PCYOX1: variants seen among roughly 807,000 people sequenced by gnomAD.
The protein encoded by PCYOX1 is prenylcysteine oxidase 1.
A neutral mutation model predicts 46.4 loss-of-function variants in PCYOX1; 46 were observed. The ratio of observed to expected loss-of-function variants is 0.99; its 90% CI spans 0.78 to 1.27. The LOEUF is 1.27. PCYOX1 is among the 50% of genes most tolerant of loss of function. The pLI, the probability that PCYOX1 is intolerant of heterozygous loss-of-function variation, is 0.00. For synonymous variants in PCYOX1, 220 were observed against 231.8 expected (o/e 0.95, Z 0.46); for missense variants, 658 against 628.3 (o/e 1.05, Z -0.51).
intron 1 of PCYOX1, 125 bp from the exon 2 acceptor site, chr2:70,259,235 C>G: frequency 1.2e-6 from 1 of 816,482 alleles, no homozygotes; most frequent in Non-Finnish European, 2.0e-6. Context: ...GTCACTCTTC[C>G]CCCACCAAAT....
chr2:70,260,130 T>G (rs1426886995), intron 2 of PCYOX1, among the ~76,000 whole-genome samples: 2 of 152,186 alleles, frequency 1.3e-5, no homozygotes, highest in Non-Finnish European at 2.9e-5. Context: ...TGTCTGTTCT[T>G]AAAATTCTGG....
At chr2:70,259,209 G>C (rs1166299230) in intron 1 of PCYOX1, 151 bp from the exon 2 acceptor site, 2 of 672,270 alleles carry the variant, frequency 3.0e-6, no homozygotes, top group African/African-American at 3.6e-5. Flanking sequence ...CAGGGAGTTA[G>C]ACCTTCGCTG....
intron 3 of PCYOX1, among the ~76,000 whole-genome samples, chr2:70,266,978 G>A (rs1310801594): frequency 6.6e-6 from 1 of 152,150 alleles, no homozygotes; most frequent in East Asian, 1.9e-4. Flanking sequence ...GAGCTATTGG[G>A]TACACCTCCC....
chr2:70,258,143 A>G lies in PCYOX1; in HGVS notation c.-22A>G, dbSNP rs544878434. 4.5e-5 allele frequency: 71 copies of G among 1,567,678 alleles called. No individual in the cohort carries two copies. In the Admixed American group the frequency reaches 7.0e-4, roughly 15 times the overall value. ...GGAGGACTGCGGGGCTCTTGAGGCC[A>G]GCTGCAGAGCTTGTGGAGGCCATGG... is the stretch of plus-strand genomic sequence containing the variant. On this transcript the variant is annotated 5_prime_UTR_variant, in exon 1 of 6. Coordinates refer to ENST00000433351, the MANE Select transcript of PCYOX1 (RefSeq NM_016297.4).
intron 1 of PCYOX1, 83 bp downstream of exon 1, chr2:70,258,359 C>T (rs964327705): frequency 3.9e-5 from 33 of 847,012 alleles, no homozygotes; most frequent in African/African-American, 3.4e-4. Flanking sequence ...CCAGATCCCA[C>T]AGCCGCGACG....
Position 70,276,816 on chromosome 2 carries a change from C to G in PCYOX1, c.942C>G (p.Ala314=). The G allele has an allele frequency of 6.2e-7, 1 of 1,612,604 alleles. No homozygotes were observed. Among genetic ancestry groups the G allele is most frequent in the Non-Finnish European group, 8.5e-7 (1 of 1,178,698 alleles). The change falls in exon 6 of 6, where the codon GCC becomes GCG. Residue 314 remains alanine, a synonymous_variant. Transcript: ENST00000433351. ...ACTTCTATGACATCGTCTTGGTGGC[C>G]ACTCCGTTGAATCGAAAAATGTCGA... is the stretch of plus-strand genomic sequence containing the variant. The part of the protein sequence containing the change: ...RSDFYDIVLV[A]TPLNRKMSNI...
At chr2:70,271,234 A>ATTT (rs374086458) in intron 3 of PCYOX1, among the ~76,000 whole-genome samples, 2 of 127,858 alleles carry the variant, frequency 1.6e-5, no homozygotes, top group Non-Finnish European at 3.4e-5. Flanking sequence ...TGCCTGGCTA[A>ATTT]TTTTTTTTTT....
chr2:70,260,084 G>T (rs1176128683), intron 2 of PCYOX1, among the ~76,000 whole-genome samples: 2 of 152,158 alleles, frequency 1.3e-5, no homozygotes, highest in African/African-American at 4.8e-5. Context: ...CAAAGTGCTG[G>T]GATTACAGGG....
intron 5 of PCYOX1, among the ~76,000 whole-genome samples, chr2:70,276,219 G>A (rs1012680763): frequency 6.6e-6 from 1 of 150,886 alleles, no homozygotes; most frequent in African/African-American, 2.4e-5. Context: ...TGCCCAGGCC[G>A]GACTGTAGTG....
In PCYOX1 at chr2:70,274,953, C is replaced by A; in HGVS notation, c.495-6C>A. ...GTATTTAATGGATTTCTCTTCTTTT[C>A]CAAAGGATCTACCGCTACCAGTCTC... On this transcript the variant is annotated splice_region_variant and splice_polypyrimidine_tract_variant and intron_variant, in intron 3 of 5. Coordinates refer to ENST00000433351, the MANE Select transcript of PCYOX1 (RefSeq NM_016297.4). 3.8e-6 allele frequency: 6 copies of A among 1,561,646 alleles called. No individual in the cohort carries two copies. The highest frequency in any genetic ancestry group is 5.3e-6 in the Non-Finnish European group (6 of 1,132,282).
intron 3 of PCYOX1, among the ~76,000 whole-genome samples, chr2:70,269,423 C>T (rs983047342): frequency 6.6e-6 from 1 of 151,348 alleles, no homozygotes; most frequent in Admixed American, 6.6e-5. Flanking sequence ...GCAACCTCTG[C>T]CTCCCGGGTT....
Position 70,279,417 on chromosome 2 carries a change from A to G in PCYOX1, c.*2025A>G, listed in dbSNP as rs949730785. ...GTTATGTATATGCTAAATGTTGGTA[A>G]ATACTAATTAATTTCCATCATTTGT... On this transcript the variant is annotated 3_prime_UTR_variant, in exon 6 of 6. Coordinates refer to ENST00000433351, the MANE Select transcript of PCYOX1 (RefSeq NM_016297.4). The G allele has an allele frequency of 6.6e-6, 1 of 152,232 alleles. No homozygotes were observed. The highest frequency in any genetic ancestry group is 1.5e-5 in the Non-Finnish European group (1 of 68,040). The allele number at this position is 152,232 out of a possible 1,614,324, so 9.4% of individuals were successfully genotyped here.
intron 3 of PCYOX1, among the ~76,000 whole-genome samples, chr2:70,266,787 G>C (rs899233110): frequency 1.3e-5 from 2 of 152,104 alleles, no homozygotes; most frequent in Admixed American, 6.5e-5. Context: ...TGGGGGTAAG[G>C]TCATAGATAA....
rs997006490 is a variant in PCYOX1 at position 70,279,784 on chromosome 2, GA to G, written c.*2402del. ...GGCAACAGAGCGAGACTCTGTCTCAGAAAAAAAAAACAAAAACCAGTTTAGG... is the reference window on the plus strand; with the variant it reads ...GGCAACAGAGCGAGACTCTGTCTCAGAAAAAAAAACAAAAACCAGTTTAGG... On this transcript the variant is annotated 3_prime_UTR_variant, in exon 6 of 6. Coordinates refer to ENST00000433351, the MANE Select transcript of PCYOX1 (RefSeq NM_016297.4). 5.8e-5 allele frequency: 8 copies of G among 138,032 alleles called. No homozygotes were observed. The highest frequency in any genetic ancestry group is 1.5e-4 in the Admixed American group (2 of 13,692). The allele number at this position is 138,032 out of a possible 1,614,324, so 8.6% of individuals were successfully genotyped here.
At chr2:70,266,449 G>A (rs1345941164) in intron 3 of PCYOX1, among the ~76,000 whole-genome samples, 1 of 151,650 alleles carries the variant, frequency 6.6e-6, no homozygotes, top group Non-Finnish European at 1.5e-5. Context: ...TTACAGAACC[G>A]TAAGATTATA....
At position 70,280,507 on chromosome 2, in the gene PCYOX1, T is replaced by C. The variant is rs1696757393; in HGVS notation, c.*3115T>C. 6.6e-6 allele frequency: 1 copy of C among 152,228 alleles called. No homozygotes were observed. 9.4% of individuals were successfully genotyped at this position (152,228 alleles called of 1,614,324 possible). A position where few individuals can be genotyped will look rare whatever the true frequency, so the allele number is the denominator to read the frequency against. On this transcript the variant is annotated 3_prime_UTR_variant, in exon 6 of 6. Coordinates refer to ENST00000433351, the MANE Select transcript of PCYOX1 (RefSeq NM_016297.4). The stretch of plus-strand genomic sequence containing the variant: ...CATCGCTAGGCTCCACCCTGTTTAT[T>C]CAATAAGTTTGTTATGGGATATAAG...
intron 3 of PCYOX1, among the ~76,000 whole-genome samples, chr2:70,263,526 C>A (rs577961513): frequency 6.2e-4 from 95 of 152,192 alleles, no homozygotes; most frequent in African/African-American, 2.2e-3. Context: ...CAATACACAA[C>A]CAAGGAAATA....
intron 3 of PCYOX1, among the ~76,000 whole-genome samples, chr2:70,266,101 C>G (rs1018416766): frequency 1.3e-5 from 2 of 152,128 alleles, no homozygotes; most frequent in African/African-American, 4.8e-5. Flanking sequence ...ATGTCCATGT[C>G]TTAATTCCTG....
rs1696744598 is a variant in PCYOX1, at chr2:70,279,833, A to G, written c.*2441A>G. ...AGGCTGGGTATGGTGGCTCACCAGCACTTTGGGAGGCTGAGGCAGGTGGAT... is the reference window on the plus strand; with the variant it reads ...AGGCTGGGTATGGTGGCTCACCAGCGCTTTGGGAGGCTGAGGCAGGTGGAT... On this transcript the variant is annotated 3_prime_UTR_variant, in exon 6 of 6. Coordinates refer to ENST00000433351, the MANE Select transcript of PCYOX1 (RefSeq NM_016297.4). The G allele has an allele frequency of 2.0e-5, 3 of 151,592 alleles. No individual in the cohort carries two copies. In the South Asian group the frequency reaches 6.2e-4, roughly 31 times the overall value. The allele number at this position is 151,592 out of a possible 1,614,324, so 9.4% of individuals were successfully genotyped here. A position where few individuals can be genotyped will look rare whatever the true frequency, so the allele number is the denominator to read the frequency against.
Sources: allele counts gnomAD v4.1 joint callset (sites outside exome capture counted in the v4.1 genomes callset), GRCh38; gene constraint gnomAD v4.1.1; transcripts MANE v1.5; gene names NCBI Gene and HGNC (gene_info 2026-07-23, HGNC 2026-07-21).